Variants in PRDM16 observed in about 807,000 individuals in gnomAD.
PRDM16 encodes the protein histone-lysine N-methyltransferase PRDM16.
A neutral mutation model predicts 110.6 loss-of-function variants in PRDM16; 23 were observed. That is an observed-to-expected ratio of 0.21 (90% confidence interval 0.15 to 0.29). The LOEUF (loss-of-function observed/expected upper bound fraction) is 0.29. Ranked by LOEUF, PRDM16 falls within the 10% of genes least tolerant of loss-of-function variation. The pLI, the probability that PRDM16 is intolerant of heterozygous loss-of-function variation, is 1.00. For synonymous variants in PRDM16, 799 were observed against 781.8 expected (o/e 1.02, Z -0.37); for missense variants, 1,615 against 1,794.3 (o/e 0.90, Z 1.81).
intron 12 of PRDM16, among the ~76,000 whole-genome samples, chr1:3,421,427 C>T (rs928072107): frequency 6.6e-6 from 1 of 152,164 alleles, no homozygotes; most frequent in African/African-American, 2.4e-5. Flanking sequence ...AGCTCACGGG[C>T]GTGTTATTTT....
chr1:3,089,336 G>A (rs545123779), intron 1 of PRDM16, among the ~76,000 whole-genome samples: 9 of 152,340 alleles, frequency 5.9e-5, no homozygotes, highest in African/African-American at 2.2e-4. Context: ...GGACCCCTGG[G>A]ACCCACCCCC....
intron 1 of PRDM16, among the ~76,000 whole-genome samples, chr1:3,128,707 G>A (rs926975388): frequency 2.7e-5 from 3 of 111,268 alleles, no homozygotes; most frequent in Non-Finnish European, 5.6e-5. Context: ...CCATGCTACT[G>A]GAGACCATCC....
chr1:3,283,252 A>G (rs1292628329), intron 3 of PRDM16, among the ~76,000 whole-genome samples: 2 of 152,134 alleles, frequency 1.3e-5, no homozygotes, highest in Non-Finnish European at 2.9e-5. Context: ...CTGTCCCTGC[A>G]ATGGAGGTGC....
At chr1:3,418,809 C>T in intron 12 of PRDM16, 65 bp downstream of exon 12, 1 of 1,239,214 alleles carries the variant, frequency 8.1e-7, no homozygotes, top group Non-Finnish European at 1.2e-6. Context: ...CTGACCCACT[C>T]CTAGGAGTAA....
chr1:3,091,055 C>T (rs1642264797), intron 1 of PRDM16, among the ~76,000 whole-genome samples: 1 of 152,236 alleles, frequency 6.6e-6, no homozygotes, highest in African/African-American at 2.4e-5. Flanking sequence ...TCTCCCTAAC[C>T]CCGAGCTCTA....
At chr1:3,194,352 G>A (rs945211623) in intron 2 of PRDM16, among the ~76,000 whole-genome samples, 33 of 152,156 alleles carry the variant, frequency 2.2e-4, no homozygotes, top group African/African-American at 7.5e-4. Flanking sequence ...GCTGAGCCCC[G>A]CCATAAGCCC....
intron 2 of PRDM16, among the ~76,000 whole-genome samples, chr1:3,239,844 G>A (rs1406227119): frequency 6.6e-6 from 1 of 151,984 alleles, no homozygotes; most frequent in Non-Finnish European, 1.5e-5. Context: ...TAGCTATTTG[G>A]GAGGCAGAGG....
intron 3 of PRDM16, among the ~76,000 whole-genome samples, chr1:3,351,618 C>T (rs1285471487): frequency 1.6e-5 from 1 of 62,472 alleles, no homozygotes. Context: ...CTCTCCCCCT[C>T]CCTCTCTCCC....
At chr1:3,427,160 G>A (rs764519704) in intron 14 of PRDM16, among the ~76,000 whole-genome samples, 7 of 152,352 alleles carry the variant, frequency 4.6e-5, no homozygotes, top group Admixed American at 1.3e-4. Flanking sequence ...AGGAATGTCG[G>A]CGCATGCTCT....
Position 3,069,334 on chromosome 1 carries a change from G to T in PRDM16, c.37+38G>T. On this transcript the variant is annotated intron_variant, in intron 1 of 16. Transcript: ENST00000270722. This position sits in a 1 kb window ranked among gnomAD's most constrained non-coding sequence, Gnocchi z 6.1. ...CGCTCGGCCGCGCCGCGCCGCCGGG[G>T]CCCGGGCCGCCGGGCCGGGGCGCCC... 2.8e-6 allele frequency: 3 copies of T among 1,075,084 alleles called. No individual in the cohort carries two copies. The highest frequency in any genetic ancestry group is 3.4e-6 in the Non-Finnish European group (3 of 877,264). The allele number at this position is 1,075,084 out of a possible 1,614,324, so 66.6% of individuals were successfully genotyped here.
At chr1:3,401,901 G>A (rs911704455) in intron 5 of PRDM16, among the ~76,000 whole-genome samples, 13 of 152,188 alleles carry the variant, frequency 8.5e-5, no homozygotes, top group East Asian at 1.9e-4. Flanking sequence ...ACGCATGTAG[G>A]TGCATGCAGA....
intron 3 of PRDM16, among the ~76,000 whole-genome samples, chr1:3,384,582 G>A (rs976950122): frequency 1.3e-5 from 2 of 152,224 alleles, no homozygotes; most frequent in Non-Finnish European, 2.9e-5. Flanking sequence ...GTGACTTTGC[G>A]GGCGTGGTGA....
chr1:3,274,356 T>G (rs1032760756), intron 3 of PRDM16, among the ~76,000 whole-genome samples: 1 of 152,140 alleles, frequency 6.6e-6, no homozygotes, highest in Non-Finnish European at 1.5e-5. Flanking sequence ...CACATTTCTC[T>G]CCCCTTGCTG....
intron 2 of PRDM16, among the ~76,000 whole-genome samples, chr1:3,195,332 G>A (rs529408599): frequency 9.9e-5 from 15 of 152,244 alleles, no homozygotes; most frequent in East Asian, 1.9e-4. Flanking sequence ...TCTTCGGCCC[G>A]GCTCGGAGGC....
chr1:3,194,971 C>T (rs997701176), intron 2 of PRDM16, among the ~76,000 whole-genome samples: 3 of 152,208 alleles, frequency 2.0e-5, no homozygotes, highest in South Asian at 2.1e-4. Context: ...AGCTTTGCCG[C>T]GCTTCCCCAC....
At chr1:3,355,639 A>G (rs1330372430) in intron 3 of PRDM16, among the ~76,000 whole-genome samples, 3 of 152,232 alleles carry the variant, frequency 2.0e-5, no homozygotes, top group African/African-American at 4.8e-5. Context: ...GGGGACCGCT[A>G]TCCTGGCCAC....
chr1:3,324,422 C>T (rs1641839062), intron 3 of PRDM16, among the ~76,000 whole-genome samples: 1 of 152,240 alleles, frequency 6.6e-6, no homozygotes, highest in African/African-American at 2.4e-5. Context: ...CTCCACACTC[C>T]CCGCGATGCT....
chr1:3,333,627 G>A (rs756909672), intron 3 of PRDM16, among the ~76,000 whole-genome samples: 105 of 147,648 alleles, frequency 7.1e-4, no homozygotes, highest in Admixed American at 1.1e-3. Context: ...AAGAGCCATC[G>A]CGGCTAAGGT....
intron 2 of PRDM16, among the ~76,000 whole-genome samples, chr1:3,217,487 G>A (rs565230330): frequency 2.6e-5 from 4 of 152,294 alleles, no homozygotes; most frequent in South Asian, 2.1e-4. Context: ...GAGGAAAACC[G>A]CTCCTTTCTG....
Sources: gnomAD v4.1 joint callset for allele counts (sites outside exome capture counted in the v4.1 genomes callset) on GRCh38, gnomAD v4.1.1 for gene constraint, Gnocchi (gnomAD v3.1) non-coding constraint, MANE v1.5 for transcripts, NCBI Gene and HGNC (gene_info 2026-07-23, HGNC 2026-07-21) for gene names.